SLFN12L: variants seen among roughly 807,000 people sequenced by gnomAD.
SLFN12L encodes the protein schlafen family member 12 like.
A neutral mutation model predicts 34.8 loss-of-function variants in SLFN12L; 34 were observed. The ratio of observed to expected loss-of-function variants is 0.98; its 90% confidence interval spans 0.74 to 1.30. The LOEUF (loss-of-function observed/expected upper bound fraction) is 1.30, where lower values mean the gene tolerates loss of function less well. Among genes scored for constraint, SLFN12L ranks in the 50% most tolerant of loss-of-function variants. The pLI is 0.00. For missense variants in SLFN12L, 703 were observed against 696.2 expected, an observed-to-expected ratio of 1.01 and a Z score of -0.11; for synonymous variants, 259 against 247.5, an observed-to-expected ratio of 1.05 and a Z score of -0.44.
rs1486239343 is a variant in SLFN12L, at chr17:35,479,826, C to T, written c.456G>A (p.Trp152Ter). The change falls in exon 3 of 5, where the codon TGG becomes TGA. Residue 152 changes from tryptophan (W) to a stop codon, truncating the protein, a stop_gained. Coordinates refer to ENST00000628453, the MANE Select transcript of SLFN12L (RefSeq NM_001363830.2). LOFTEE classifies it high-confidence loss of function. Reference protein sequence around the residue: ...GNYFHIFVKSWSLETSGPQIA... With the variant: ...GNYFHIFVKS ...TCTGCGGACCAGAGGTTTCCAAGCT[C>T]CATGATTTCACAAAAATGTGAAAGT... 6.2e-7 allele frequency: 1 copy of T among 1,608,866 alleles called. No individual in the cohort carries two copies. The highest frequency in any genetic ancestry group is 8.5e-7 in the Non-Finnish European group (1 of 1,177,158).
intron 2 of SLFN12L, chr17:35,487,803 C>T: frequency 6.6e-7 from 1 of 1,508,202 alleles, no homozygotes; most frequent in Non-Finnish European, 8.9e-7. Flanking sequence ...CTCTCCGCGT[C>T]CGTGTGCGGC....
intron 2 of SLFN12L, among the ~76,000 whole-genome samples, chr17:35,520,923 C>T (rs963156834): frequency 6.6e-6 from 1 of 152,174 alleles, no homozygotes; most frequent in Non-Finnish European, 1.5e-5. Flanking sequence ...TCCATCCTCC[C>T]TTCTCTCAAA....
At chr17:35,487,647 G>A (rs1478647624) in intron 2 of SLFN12L, 52 of 1,435,414 alleles carry the variant, frequency 3.6e-5, no homozygotes, top group Non-Finnish European at 4.6e-5. Flanking sequence ...AGGGATCACG[G>A]AGAAGTTCTC....
chr17:35,472,615 A>T lies in SLFN12L; in HGVS notation c.*2308T>A, dbSNP rs1217356242. Among the ~76,000 whole-genome samples the T allele has an allele frequency of 1.3e-5, 2 of 152,168 alleles. No homozygotes were observed. The highest frequency in any genetic ancestry group is 2.9e-5 in the Non-Finnish European group (2 of 68,028). On this transcript the variant is annotated 3_prime_UTR_variant, in exon 5 of 5. Transcript: ENST00000628453. ...TGTTTAGGATTATCTTAGCTATACA[A>T]GGTCTTCTTTGATTCCATATGAAAT...
At chr17:35,492,412 T>C (rs1251843092) in intron 2 of SLFN12L, among the ~76,000 whole-genome samples, 12 of 152,134 alleles carry the variant, frequency 7.9e-5, no homozygotes, top group Non-Finnish European at 1.8e-4. Flanking sequence ...AAGGGCTCTC[T>C]TATACCACAC....
intron 1 of SLFN12L, among the ~76,000 whole-genome samples, chr17:35,535,861 G>A (rs542794448): frequency 6.6e-6 from 1 of 152,132 alleles, no homozygotes; most frequent in Non-Finnish European, 1.5e-5. Flanking sequence ...TTACCATGTT[G>A]GCCAGGCTGG....
intron 2 of SLFN12L, among the ~76,000 whole-genome samples, chr17:35,485,094 T>G (rs1291335928): frequency 2.0e-5 from 3 of 152,208 alleles, no homozygotes; most frequent in African/African-American, 7.2e-5. Flanking sequence ...CTTTCTTTTT[T>G]GATTTTAGTT....
chr17:35,516,181 A>G (rs780863579), intron 2 of SLFN12L, among the ~76,000 whole-genome samples: 1 of 152,154 alleles, frequency 6.6e-6, no homozygotes. Context: ...TGTCCTTCAC[A>G]TATCACTACC....
At chr17:35,484,225 T>C (rs1473943330) in intron 2 of SLFN12L, among the ~76,000 whole-genome samples, 6 of 152,188 alleles carry the variant, frequency 3.9e-5, no homozygotes, top group African/African-American at 1.4e-4. Flanking sequence ...CCCATATTTG[T>C]CCTTCACTCT....
intron 2 of SLFN12L, among the ~76,000 whole-genome samples, chr17:35,515,374 G>C (rs1057250512): frequency 5.3e-5 from 8 of 152,194 alleles, no homozygotes; most frequent in Admixed American, 3.9e-4. Context: ...GTTTGAGAGA[G>C]AGTCATGTGT....
At chr17:35,488,375 T>C (rs1597843349) in intron 2 of SLFN12L, among the ~76,000 whole-genome samples, 1 of 152,170 alleles carries the variant, frequency 6.6e-6, no homozygotes, top group South Asian at 2.1e-4. Context: ...GAGGAGCGGG[T>C]TGCTCTCAGA....
intron 2 of SLFN12L, among the ~76,000 whole-genome samples, chr17:35,486,734 T>C (rs999970473): frequency 3.3e-5 from 5 of 152,178 alleles, no homozygotes; most frequent in African/African-American, 1.2e-4. Flanking sequence ...CTTTTGACTA[T>C]AGGGGAAATT....
At chr17:35,512,042 G>C (rs369951123) in intron 2 of SLFN12L, among the ~76,000 whole-genome samples, 62 of 152,258 alleles carry the variant, frequency 4.1e-4, no homozygotes, top group African/African-American at 1.5e-3. Flanking sequence ...CTGCTGAGCA[G>C]CATTTGGCCA....
chr17:35,487,023 CTTGG>C, intron 2 of SLFN12L, among the ~76,000 whole-genome samples: 1 of 152,310 alleles, frequency 6.6e-6, no homozygotes, highest in Non-Finnish European at 1.5e-5. Flanking sequence ...CAAGAGGGTG[CTTGG>C]TTTTTCTTTC....
chr17:35,519,386 T>A (rs1426591250), intron 2 of SLFN12L, among the ~76,000 whole-genome samples: 1 of 152,182 alleles, frequency 6.6e-6, no homozygotes. Context: ...GAGCTTCCAA[T>A]GGCTAATACT....
At position 35,465,286 on chromosome 17, in the gene SLFN12L, C is replaced by T. The variant is rs550427019; in HGVS notation, c.*9637G>A. Among the ~76,000 whole-genome samples the T allele has an allele frequency of 2.7e-4, 41 of 152,218 alleles. No homozygotes were observed. The highest frequency in any genetic ancestry group is 9.4e-4 in the African/African-American group (39 of 41,542). On this transcript the variant is annotated 3_prime_UTR_variant, in exon 5 of 5. Coordinates refer to ENST00000628453, the MANE Select transcript of SLFN12L (RefSeq NM_001363830.2). ...ATTATACTTATGCCTGAGGTTCCAA[C>T]AAATTTAAACATTGTACCCCATATA...
chr17:35,518,676 A>G (rs1915909878), intron 2 of SLFN12L, among the ~76,000 whole-genome samples: 1 of 152,230 alleles, frequency 6.6e-6, no homozygotes, highest in South Asian at 2.1e-4. Flanking sequence ...TAGAATGACG[A>G]TTATTAAAAA....
In SLFN12L at chr17:35,470,959, G is replaced by C. The variant is rs1047339392; in HGVS notation, c.*3964C>G. 1.3e-5 allele frequency among the ~76,000 whole-genome samples: 2 copies of C among 152,062 alleles called. No individual in the cohort carries two copies. The highest frequency in any genetic ancestry group is 4.8e-5 in the African/African-American group (2 of 41,404). The stretch of plus-strand genomic sequence containing the variant: ...AGTTTGCTGAGGATGATGGCTTCCA[G>C]CTTCATCCATGTCCCTGCAAAGGTC... On this transcript the variant is annotated 3_prime_UTR_variant, in exon 5 of 5. Coordinates refer to ENST00000628453, the MANE Select transcript of SLFN12L (RefSeq NM_001363830.2).
rs1396502633 is a variant in SLFN12L at position 35,465,134 on chromosome 17, C to T, written c.*9789G>A. On this transcript the variant is annotated 3_prime_UTR_variant, in exon 5 of 5. Coordinates refer to ENST00000628453, the MANE Select transcript of SLFN12L (RefSeq NM_001363830.2). ...GCCTCAAGTGATCCGCCTGTCTCGGCCTCCCAAAGTGCTGGGATTACAGGC... is the reference window on the plus strand; with the variant it reads ...GCCTCAAGTGATCCGCCTGTCTCGGTCTCCCAAAGTGCTGGGATTACAGGC... Among the ~76,000 whole-genome samples the T allele has an allele frequency of 5.3e-5, 8 of 152,206 alleles. No homozygotes were observed. The East Asian group carries it at 1.5e-3, about 29-fold the overall frequency.
Sources: gnomAD v4.1 joint callset for allele counts (sites outside exome capture counted in the v4.1 genomes callset) on GRCh38, gnomAD v4.1.1 for gene constraint, MANE v1.5 for transcripts, NCBI Gene and HGNC (gene_info 2026-07-23, HGNC 2026-07-21) for gene names.